The following DACH2 variants were observed in gnomAD, a reference collection of about 807,000 sequenced individuals.
DACH2 encodes the protein dachshund homolog 2.
In DACH2, 17 loss-of-function variants were observed where a neutral mutation model predicts 35.8. The observed-to-expected ratio is 0.48, with a 90% CI of 0.33 to 0.71. DACH2 has a LOEUF of 0.71. DACH2 is among the 30% of genes least tolerant of loss of function. The pLI, the probability that DACH2 is intolerant of heterozygous loss-of-function variation, is 0.02. For missense variants in DACH2, 469 were observed against 472.7 expected (o/e 0.99, Z 0.07); for synonymous variants, 195 against 177.3 (o/e 1.10, Z -0.79).
chrX:86,625,904 A>G (rs6623741), intron 3 of DACH2, among the ~76,000 whole-genome samples: 19,961 of 110,568 alleles, frequency 0.18, 1,410 homozygotes, highest in South Asian at 0.4. Context: ...TCAAGATGGG[A>G]TTTCAGTGGG....
chrX:86,517,022 C>T (rs1445703969), intron 3 of DACH2, among the ~76,000 whole-genome samples: 1 of 111,353 alleles, frequency 9.0e-6, no homozygotes, highest in Non-Finnish European at 1.9e-5. Flanking sequence ...TGAACATTCA[C>T]GTGCATGTTT....
intron 1 of DACH2, among the ~76,000 whole-genome samples, chrX:86,322,450 G>A (rs1187607121): frequency 1.7e-4 from 19 of 110,753 alleles, no homozygotes; most frequent in African/African-American, 5.3e-4. Context: ...CAGTGGGGGT[G>A]CCCCCACCGA....
intron 1 of DACH2, among the ~76,000 whole-genome samples, chrX:86,364,480 A>C (rs2035779947): frequency 9.0e-6 from 1 of 111,582 alleles, no homozygotes; most frequent in African/African-American, 3.3e-5. Flanking sequence ...AAGCAATCCG[A>C]AATTCCTTGA....
At chrX:86,271,953 A>G (rs1469554380) in intron 1 of DACH2, among the ~76,000 whole-genome samples, 1 of 111,101 alleles carries the variant, frequency 9.0e-6, no homozygotes, top group African/African-American at 3.3e-5. Flanking sequence ...CACTGTACCC[A>G]TTAAGTAATT....
intron 2 of DACH2, among the ~76,000 whole-genome samples, chrX:86,443,898 G>T (rs947419372): frequency 1.2e-3 from 130 of 111,273 alleles, no homozygotes; most frequent in Non-Finnish European, 7.5e-4. Context: ...AATTCACTTT[G>T]CTAGTATTTT....
At chrX:86,651,785 A>G (rs966920757) in intron 4 of DACH2, among the ~76,000 whole-genome samples, 1 of 111,308 alleles carries the variant, frequency 9.0e-6, no homozygotes, top group African/African-American at 3.3e-5. Context: ...TGATCATAAG[A>G]CCCTTCAGAT....
At chrX:86,212,863 C>T (rs1333278847) in intron 1 of DACH2, among the ~76,000 whole-genome samples, 1 of 111,071 alleles carries the variant, frequency 9.0e-6, no homozygotes, top group Non-Finnish European at 1.9e-5. Context: ...AAATTGCAGT[C>T]TATTTTTTAC....
chrX:86,414,316 C>A (rs1366967592), intron 2 of DACH2, among the ~76,000 whole-genome samples: 2 of 110,698 alleles, frequency 1.8e-5, no homozygotes, highest in Non-Finnish European at 3.8e-5. Flanking sequence ...ATTAATTAGC[C>A]AGTGCCAGAG....
At chrX:86,601,653 AGTT>A (rs1307326315) in intron 3 of DACH2, among the ~76,000 whole-genome samples, 1 of 112,321 alleles carries the variant, frequency 8.9e-6, no homozygotes, top group Non-Finnish European at 1.9e-5. Context: ...ATGAGGTAGT[AGTT>A]ATCTATTGCA....
At chrX:86,586,033 T>C (rs1373313040) in intron 3 of DACH2, among the ~76,000 whole-genome samples, 1 of 111,669 alleles carries the variant, frequency 9.0e-6, no homozygotes, top group Admixed American at 9.5e-5. Flanking sequence ...CCCCCAACAA[T>C]GTATAAGCAT....
At chrX:86,471,297 A>C (rs1167665994) in intron 2 of DACH2, among the ~76,000 whole-genome samples, 1 of 111,578 alleles carries the variant, frequency 9.0e-6, no homozygotes, top group East Asian at 2.8e-4. Context: ...ATAGTTCTTA[A>C]TTAGTTAATT....
rs12395279 is a variant in DACH2, at chrX:86,377,316, C to A, written c.527+454C>A. 1.8e-3 allele frequency among the ~76,000 whole-genome samples: 206 copies of A among 111,484 alleles called. 1 individual carries two copies. Among genetic ancestry groups the A allele is most frequent in the African/African-American group, 6.5e-3 (200 of 30,892 alleles). Reference sequence around the variant, plus strand: ...GAAAAGAATCTGGCTTTCTAATCTTCTGAGTCATTCTAAGCATTAGGCACA... The same window carrying A: ...GAAAAGAATCTGGCTTTCTAATCTTATGAGTCATTCTAAGCATTAGGCACA... On this transcript the variant is annotated intron_variant, in intron 2 of 11. Coordinates refer to ENST00000373125, the MANE Select transcript of DACH2 (RefSeq NM_053281.3).
rs191043501 is a variant in DACH2 at position 86,712,363 on chromosome X, A to G, written c.932-2185A>G. ...TAACTGAAAATATGCTTCTAGTTTT[A>G]AAGGAAGTGAGTTCCACATACAAAT... is the stretch of plus-strand genomic sequence containing the variant. On this transcript the variant is annotated intron_variant, in intron 5 of 11. Transcript: ENST00000373125. Among the ~76,000 whole-genome samples, 40 of 111,755 alleles carry G rather than the reference A, an allele frequency of 3.6e-4. No individual in the cohort carries two copies. In the East Asian group the frequency reaches 9.8e-3, roughly 27 times the overall value.
At chrX:86,823,188 G>A (rs902022726) in intron 11 of DACH2, among the ~76,000 whole-genome samples, 5 of 111,393 alleles carry the variant, frequency 4.5e-5, no homozygotes, top group African/African-American at 1.6e-4. Flanking sequence ...ACCCGCCTCA[G>A]CCTCTCAAAA....
At chrX:86,294,964 T>G (rs1291902191) in intron 1 of DACH2, among the ~76,000 whole-genome samples, 2 of 112,155 alleles carry the variant, frequency 1.8e-5, no homozygotes, top group Non-Finnish European at 1.9e-5. Flanking sequence ...TCGAGCTTCC[T>G]GGCTGCTTTG....
At chrX:86,270,633 C>G (rs769840909) in intron 1 of DACH2, among the ~76,000 whole-genome samples, 1 of 112,253 alleles carries the variant, frequency 8.9e-6, no homozygotes, top group Non-Finnish European at 1.9e-5. Flanking sequence ...TTCAAAGCCA[C>G]AAGCAGGTTA....
intron 3 of DACH2, among the ~76,000 whole-genome samples, chrX:86,607,468 A>G (rs2148364495): frequency 8.9e-6 from 1 of 111,869 alleles, no homozygotes; most frequent in South Asian, 3.7e-4. Flanking sequence ...ACAAACAACT[A>G]AAATAGAAAC....
intron 2 of DACH2, among the ~76,000 whole-genome samples, chrX:86,378,007 T>A (rs1020494731): frequency 2.7e-5 from 3 of 110,586 alleles, no homozygotes; most frequent in African/African-American, 9.8e-5. Context: ...TGACTGAGTT[T>A]AACTGTAAAA....
chrX:86,394,835 A>G (rs1024634122), intron 2 of DACH2, among the ~76,000 whole-genome samples: 3 of 112,086 alleles, frequency 2.7e-5, no homozygotes, highest in African/African-American at 9.7e-5. Flanking sequence ...AGAGTTTTGT[A>G]GTCACAATAA....
Sources: gnomAD v4.1 joint callset for allele counts (sites outside exome capture counted in the v4.1 genomes callset) on GRCh38, gnomAD v4.1.1 for gene constraint, MANE v1.5 for transcripts, NCBI Gene and HGNC (gene_info 2026-07-23, HGNC 2026-07-21) for gene names.